MMRN2: variants seen among roughly 807,000 people sequenced by gnomAD.
The protein encoded by MMRN2 is multimerin-2.
MMRN2 carries 53 observed loss-of-function variants against 68.8 expected under a neutral mutation model. That is an observed-to-expected ratio of 0.77 (90% CI 0.62 to 0.97). The LOEUF (loss-of-function observed/expected upper bound fraction) is 0.97. MMRN2 is among the 50% of genes least tolerant of loss of function. The pLI, the probability that MMRN2 is intolerant of heterozygous loss-of-function variation, is 0.00. For synonymous variants in MMRN2, 564 were observed against 551.6 expected (o/e 1.02, Z -0.32); for missense variants, 1,266 against 1,259.5 (o/e 1.01, Z -0.08).
chr10:86,953,302 G>C (rs1440790325), intron 1 of MMRN2, among the ~76,000 whole-genome samples: 4 of 152,182 alleles, frequency 2.6e-5, no homozygotes, highest in Non-Finnish European at 1.5e-5. Flanking sequence ...TATTATTAGG[G>C]AAGTGATAAA....
chr10:86,946,160 A>C (rs1844066160), intron 1 of MMRN2, among the ~76,000 whole-genome samples: 2 of 152,156 alleles, frequency 1.3e-5, no homozygotes, highest in South Asian at 4.1e-4. Context: ...CGAATCCCTC[A>C]CACTTTCTGG....
rs113380107 is a variant in MMRN2 at position 86,945,853 on chromosome 10, G to C, written c.165-164C>G. 413 of 1,444,566 alleles carry C rather than the reference G, an allele frequency of 2.9e-4. 2 individuals are homozygous for C. The African/African-American group carries it at 4.9e-3, about 17-fold the overall frequency. The allele number at this position is 1,444,566 out of a possible 1,614,324, so 89.5% of individuals were successfully genotyped here. ...CCGCATTATTCATCCCTGGGCTCCA[G>C]AGCAAATGTTTCACAATCCCTACCT... On this transcript the variant is annotated intron_variant, in intron 1 of 6. Coordinates refer to ENST00000372027, the MANE Select transcript of MMRN2 (RefSeq NM_024756.3).
chr10:86,945,346 G>A (rs371378574), intron 3 of MMRN2, 24 bp downstream of exon 3: 2 of 1,604,140 alleles, frequency 1.2e-6, no homozygotes, highest in Non-Finnish European at 1.7e-6. Flanking sequence ...GTCAAGGGGG[G>A]AAGGGGGCCG....
In MMRN2 at chr10:86,943,626, G is replaced by A. The variant is rs781105899; in HGVS notation, c.1158C>T (p.Thr386=). ...LQRNLSELHM[T]TARREEELQY... is the part of the protein sequence containing the mutation. The stretch of plus-strand genomic sequence containing the variant: ...GCAACTCCTCCTCCCTGCGGGCCGT[G>A]GTCATGTGCAGCTCTGAGAGGTTCC... The change falls in exon 6 of 7, where the codon ACC becomes ACT. Residue 386 remains threonine, a synonymous_variant. Coordinates refer to ENST00000372027, the MANE Select transcript of MMRN2 (RefSeq NM_024756.3). This position sits in a 1 kb window ranked among gnomAD's most constrained non-coding sequence, Gnocchi z 4.2. 5.0e-6 allele frequency: 8 copies of A among 1,613,700 alleles called. No homozygotes were observed. Among genetic ancestry groups the A allele is most frequent in the Non-Finnish European group, 5.9e-6 (7 of 1,180,010 alleles).
At chr10:86,938,273 A>G (rs1271885544) in intron 6 of MMRN2, among the ~76,000 whole-genome samples, 3 of 152,162 alleles carry the variant, frequency 2.0e-5, no homozygotes, top group Non-Finnish European at 4.4e-5. Flanking sequence ...GAGGCCCAGA[A>G]AGAAAAAGCT....
Position 86,942,881 on chromosome 10 carries a change from C to G in MMRN2, c.1903G>C (p.Glu635Gln). The G allele has an allele frequency of 6.9e-7, 1 of 1,442,420 alleles. No individual in the cohort carries two copies. Among genetic ancestry groups the G allele is most frequent in the Non-Finnish European group, 9.1e-7 (1 of 1,096,628 alleles). The allele number at this position is 1,442,420 out of a possible 1,614,324, so 89.4% of individuals were successfully genotyped here. The change falls in exon 6 of 7, where the codon GAG becomes CAG. Residue 635 changes from glutamate to glutamine, a missense_variant. By Grantham distance (29) the Glu-to-Gln change is conservative (BLOSUM62 2). Coordinates refer to ENST00000372027, the MANE Select transcript of MMRN2 (RefSeq NM_024756.3). ...QTPGPLPLSY[E>Q]QIRVALQDAA... is the part of the protein sequence containing the mutation. ...TCCTGCAGGGCCACGCGGATCTGCT[C>G]GTAGCTCAGGGGCAGCGGTCCCGGC...
chr10:86,944,719 A>G, intron 4 of MMRN2: 1 of 475,304 alleles, frequency 2.1e-6, no homozygotes, highest in Non-Finnish European at 3.7e-6. Flanking sequence ...AGCCCTTGTC[A>G]ATAAATACTT....
chr10:86,940,671 C>A (rs1843953593), intron 6 of MMRN2, among the ~76,000 whole-genome samples: 1 of 152,258 alleles, frequency 6.6e-6, no homozygotes. Context: ...CACATTGCCT[C>A]TTGGGCCATA....
Position 86,945,227 on chromosome 10 carries a change from G to A in MMRN2, c.442C>T (p.His148Tyr). 6.2e-7 allele frequency: 1 copy of A among 1,613,872 alleles called. No individual in the cohort carries two copies. The highest frequency in any genetic ancestry group is 8.5e-7 in the Non-Finnish European group (1 of 1,180,026). ...ACTGGTCCATCCTGAGGTTCCTGGT[G>A]GCTGTCACCAGGATCTGCAGGCTCA... ...IPEPADPGDS[H>Y]QEPQDGPVSF... is the part of the protein sequence containing the mutation. Residue 148 changes from histidine to tyrosine, a missense_variant, in exon 4 of 7, where the codon CAC becomes TAC. By Grantham distance (83) the His-to-Tyr change is moderately conservative (BLOSUM62 2). Transcript: ENST00000372027.
Position 86,945,836 on chromosome 10 carries a change from T to C in MMRN2, c.165-147A>G, listed in dbSNP as rs1275020920. ...CCTGAGAAGAGAGCCTTCCGCATTA[T>C]TCATCCCTGGGCTCCAGAGCAAATG... On this transcript the variant is annotated intron_variant, in intron 1 of 6. Coordinates refer to ENST00000372027, the MANE Select transcript of MMRN2 (RefSeq NM_024756.3). 11 of 1,474,258 alleles carry C rather than the reference T, an allele frequency of 7.5e-6. No individual in the cohort carries two copies. In the South Asian group the frequency reaches 1.4e-4, roughly 18 times the overall value. The allele number at this position is 1,474,258 out of a possible 1,614,324, so 91.3% of individuals were successfully genotyped here. A position where few individuals can be genotyped will look rare whatever the true frequency, so the allele number is the denominator to read the frequency against.
At position 86,943,649 on chromosome 10, in the gene MMRN2, TC is replaced by T. The variant is rs1844018404; in HGVS notation, c.1134del (p.Asn379ThrfsTer7). On this transcript the variant is annotated frameshift_variant, in exon 6 of 7. Coordinates refer to ENST00000372027, the MANE Select transcript of MMRN2 (RefSeq NM_024756.3). LOFTEE classifies it high-confidence loss of function. This position sits in a 1 kb window ranked among gnomAD's most constrained non-coding sequence, Gnocchi z 4.2. ...GTGGTCATGTGCAGCTCTGAGAGGT[TC>T]CTCTGCAGCTGGCCCAGCCTGGCCT... ...SLQARLGQLQ[R>X]NLSELHMTTA... 1.2e-6 allele frequency: 2 copies of T among 1,613,006 alleles called. No individual in the cohort carries two copies. The highest frequency in any genetic ancestry group is 1.6e-4 in the Middle Eastern group (1 of 6,062).
At position 86,937,113 on chromosome 10, in the gene MMRN2, G is replaced by A; in HGVS notation, c.2480C>T (p.Ala827Val). The A allele has an allele frequency of 1.2e-6, 2 of 1,614,084 alleles. No individual in the cohort carries two copies. The highest frequency in any genetic ancestry group is 2.7e-5 in the African/African-American group (2 of 75,056). ...CCCTTCTGAAAAGCTGGCATAGAAG[G>A]CCACAGGGGATCCTGAAACATAACA... ...AALWEAGSPV[A>V]FYASFSEGTA... The change falls in exon 7 of 7, where the codon GCC becomes GTC. Residue 827 changes from alanine to valine, a missense_variant. Transcript: ENST00000372027.
At chr10:86,954,167 C>A (rs905970781) in intron 1 of MMRN2, 1 of 152,500 alleles carries the variant, frequency 6.6e-6, no homozygotes, top group African/African-American at 2.4e-5. Context: ...CATCTTTGTG[C>A]CCTCCCTTGG....
chr10:86,939,806 GGTGT>G (rs769816445), intron 6 of MMRN2, among the ~76,000 whole-genome samples: 13,980 of 146,636 alleles, frequency 0.095, 650 homozygotes, highest in Middle Eastern at 0.14. Flanking sequence ...GGAAATTTGG[GGTGT>G]GTGTGTGTGT....
intron 6 of MMRN2, among the ~76,000 whole-genome samples, chr10:86,938,087 A>G (rs1055496700): frequency 2.6e-5 from 4 of 152,148 alleles, no homozygotes; most frequent in African/African-American, 9.7e-5. Flanking sequence ...GGCATACGCC[A>G]TCATGCCTGG....
At position 86,936,676 on chromosome 10, in the gene MMRN2, T is replaced by G; in HGVS notation, c.*67A>C. 2 of 1,563,850 alleles carry G rather than the reference T, an allele frequency of 1.3e-6. No homozygotes were observed. The highest frequency in any genetic ancestry group is 1.7e-6 in the Non-Finnish European group (2 of 1,147,710). On this transcript the variant is annotated 3_prime_UTR_variant, in exon 7 of 7. Coordinates refer to ENST00000372027, the MANE Select transcript of MMRN2 (RefSeq NM_024756.3). ...AACTGAATGACCTCCAGCCCATCCT[T>G]GGCCAGAGCCCCAGGCCGAGGAGAG... is the stretch of plus-strand genomic sequence containing the variant.
Position 86,942,581 on chromosome 10 carries a change from T to G in MMRN2, c.2203A>C (p.Asn735His). ...CTGCGCTGAGTGGCGAAGAGTGCGT[T>G]GTGGAGGCCGTGAAGGGAGGCGTTG... ...SLNASLHGLH[N>H]ALFATQRSLE... is the part of the protein sequence containing the mutation. Residue 735 changes from asparagine to histidine, a missense_variant, in exon 6 of 7, where the codon AAC becomes CAC. Asn to His is a moderately conservative substitution (Grantham distance 68). Transcript: ENST00000372027. 1 of 1,611,966 alleles carries G rather than the reference T, an allele frequency of 6.2e-7. No homozygotes were observed. Among genetic ancestry groups the G allele is most frequent in the Non-Finnish European group, 8.5e-7 (1 of 1,179,902 alleles).
chr10:86,957,576 C>A lies in MMRN2; in HGVS notation c.-35G>T. On this transcript the variant is annotated 5_prime_UTR_variant, in exon 1 of 7. It adds an upstream start codon to the 5' untranslated region. Coordinates refer to ENST00000372027, the MANE Select transcript of MMRN2 (RefSeq NM_024756.3). ...GGGGCAGGCTCAGCTCACACTCAGC[C>A]TTGGCAAGTAGCTCCAGAAACTGCT... is the stretch of plus-strand genomic sequence containing the variant. 1 of 1,562,468 alleles carries A rather than the reference C, an allele frequency of 6.4e-7. No homozygotes were observed. Among genetic ancestry groups the A allele is most frequent in the Non-Finnish European group, 8.6e-7 (1 of 1,157,392 alleles).
Position 86,942,474 on chromosome 10 carries a change from C to T in MMRN2, c.2310G>A (p.Leu770=). The T allele has an allele frequency of 6.2e-7, 1 of 1,614,126 alleles. No individual in the cohort carries two copies. Among genetic ancestry groups the T allele is most frequent in the Non-Finnish European group, 8.5e-7 (1 of 1,180,020 alleles). The change falls in exon 6 of 7, where the codon CTG becomes CTA. Residue 770 remains leucine, a synonymous_variant. Coordinates refer to ENST00000372027, the MANE Select transcript of MMRN2 (RefSeq NM_024756.3). ...GLMEANVSLD[L]GKLQTMLSRK... is the part of the protein sequence containing the mutation. The stretch of plus-strand genomic sequence containing the variant: ...TGCTCAGCATGGTCTGCAGCTTCCC[C>T]AGGTCCAGGCTGACGTTGGCTTCCA...
Sources: gnomAD v4.1 joint callset for allele counts (sites outside exome capture counted in the v4.1 genomes callset) on GRCh38, gnomAD v4.1.1 for gene constraint, Gnocchi (gnomAD v3.1) non-coding constraint, MANE v1.5 for transcripts, NCBI Gene and HGNC (gene_info 2026-07-23, HGNC 2026-07-21) for gene names.